RANBP17: variants seen among roughly 807,000 people sequenced by gnomAD.
RANBP17 encodes ran-binding protein 17.
Under a neutral mutation model 141.2 loss-of-function variants are expected in RANBP17, and 158 were observed. The ratio of observed to expected loss-of-function variants is 1.12; its 90% confidence interval spans 0.98 to 1.28. The LOEUF (loss-of-function observed/expected upper bound fraction) is 1.28, where lower values mean the gene tolerates loss of function less well. Among genes scored for constraint, RANBP17 ranks in the 50% most tolerant of loss-of-function variants. The probability of loss-of-function intolerance (pLI) is 0.00; values close to 1 mark genes in which losing one functional copy is unlikely to be tolerated. For synonymous variants in RANBP17, 430 were observed against 450.0 expected, an observed-to-expected ratio of 0.96 and a Z score of 0.56; for missense variants, 1,438 against 1,290.7, an observed-to-expected ratio of 1.11 and a Z score of -1.75.
At chr5:171,004,766 G>C (rs1251860205) in intron 14 of RANBP17, among the ~76,000 whole-genome samples, 1 of 152,110 alleles carries the variant, frequency 6.6e-6, no homozygotes. Flanking sequence ...CCTCCAGCGG[G>C]GGCCCACACA....
chr5:171,249,676 A>G (rs1019216336), intron 24 of RANBP17, among the ~76,000 whole-genome samples: 3 of 152,218 alleles, frequency 2.0e-5, no homozygotes, highest in African/African-American at 7.2e-5. Context: ...AAAGAATCTC[A>G]GAACTTGAAG....
intron 5 of RANBP17, chr5:170,903,451 A>G (rs1278879352): frequency 6.3e-6 from 1 of 157,580 alleles, no homozygotes; most frequent in East Asian, 1.8e-4. Flanking sequence ...GCGCTAGACC[A>G]CTTGGCTCCC....
chr5:171,186,330 A>C (rs1014307991), intron 18 of RANBP17, among the ~76,000 whole-genome samples: 1 of 152,090 alleles, frequency 6.6e-6, no homozygotes, highest in Non-Finnish European at 1.5e-5. Context: ...CAGCTTCTCC[A>C]TCAGCACTTG....
At chr5:171,082,160 A>G (rs1785292110) in intron 14 of RANBP17, among the ~76,000 whole-genome samples, 2 of 152,130 alleles carry the variant, frequency 1.3e-5, no homozygotes, top group South Asian at 4.1e-4. Flanking sequence ...ATACTGTGTT[A>G]CACACCTGAC....
intron 16 of RANBP17, among the ~76,000 whole-genome samples, chr5:171,182,472 A>T (rs1760924148): frequency 1.3e-5 from 2 of 152,332 alleles, no homozygotes; most frequent in East Asian, 3.9e-4. Context: ...TTCAAATCTC[A>T]GCACTGTCAA....
At chr5:171,252,714 C>T (rs1765651491) in intron 24 of RANBP17, 2 of 1,454,040 alleles carry the variant, frequency 1.4e-6, no homozygotes, top group South Asian at 1.1e-5. Flanking sequence ...GAATGTACAG[C>T]CTTGTTGCTG....
chr5:170,915,565 G>A (rs1771883079), intron 8 of RANBP17, among the ~76,000 whole-genome samples: 2 of 151,904 alleles, frequency 1.3e-5, no homozygotes, highest in East Asian at 3.9e-4. Flanking sequence ...TCATGGTAGG[G>A]GCTGTGGCAA....
rs542213195 is a variant in RANBP17 at position 170,957,107 on chromosome 5, A to ACACACACACG, written c.1574+3406_1574+3407insACACACACGC. ...CACACACACACACACACACACACAC[A>ACACACACACG]CGCGCACACTGCCACTATCTCGTGA... On this transcript the variant is annotated intron_variant, in intron 13 of 27. Coordinates refer to ENST00000523189, the MANE Select transcript of RANBP17 (RefSeq NM_022897.5). 3.1e-3 allele frequency among the ~76,000 whole-genome samples: 469 copies of ACACACACACG among 150,508 alleles called. 7 individuals carry two copies. In the South Asian group the frequency reaches 0.034, roughly 11 times the overall value.
intron 1 of RANBP17, among the ~76,000 whole-genome samples, chr5:170,869,652 G>A (rs1202924616): frequency 1.3e-5 from 2 of 152,078 alleles, no homozygotes; most frequent in Non-Finnish European, 2.9e-5. Flanking sequence ...GGTCTTCCCT[G>A]CTATGTCTCT....
At chr5:170,897,060 C>T (rs1770192124) in intron 5 of RANBP17, 1 of 873,126 alleles carries the variant, frequency 1.1e-6, no homozygotes, top group African/African-American at 1.7e-5. Context: ...TAAGCAGCTT[C>T]CTTAGAAATG....
chr5:170,897,505 C>T (rs1015599920), intron 5 of RANBP17, among the ~76,000 whole-genome samples: 7 of 152,046 alleles, frequency 4.6e-5, no homozygotes, highest in African/African-American at 1.7e-4. Flanking sequence ...TTGCTGCACC[C>T]ATCAACCAGC....
intron 24 of RANBP17, among the ~76,000 whole-genome samples, chr5:171,246,179 C>G (rs1221834358): frequency 6.6e-6 from 1 of 152,200 alleles, no homozygotes; most frequent in Admixed American, 6.5e-5. Flanking sequence ...CCGCACCCGG[C>G]CTTTTCTCAT....
chr5:171,001,832 C>T lies in RANBP17; in HGVS notation c.1710+33455C>T, dbSNP rs143733472. 8.5e-5 allele frequency among the ~76,000 whole-genome samples: 13 copies of T among 152,168 alleles called. No homozygotes were observed. In the East Asian group the frequency reaches 1.7e-3, roughly 20 times the overall value. ...GTGGGAAGGCAAAACCGAGGAATTACGTCTGACAAAAGGGAAGAAATGACC... is the reference window on the plus strand; with the variant it reads ...GTGGGAAGGCAAAACCGAGGAATTATGTCTGACAAAAGGGAAGAAATGACC... On this transcript the variant is annotated intron_variant, in intron 14 of 27. Transcript: ENST00000523189.
At chr5:171,015,489 C>T (rs554870775) in intron 14 of RANBP17, among the ~76,000 whole-genome samples, 61 of 152,114 alleles carry the variant, frequency 4.0e-4, no homozygotes, top group Admixed American at 9.2e-4. Flanking sequence ...CTGGTTTGGG[C>T]TGTTTTTATA....
chr5:170,989,584 G>T (rs1253135021), intron 14 of RANBP17, among the ~76,000 whole-genome samples: 9 of 151,762 alleles, frequency 5.9e-5, no homozygotes, highest in Non-Finnish European at 1.0e-4. Flanking sequence ...GGTAGGATAA[G>T]TGTAAGAAGA....
At chr5:171,253,442 C>A (rs1765701922) in intron 24 of RANBP17, among the ~76,000 whole-genome samples, 1 of 152,108 alleles carries the variant, frequency 6.6e-6, no homozygotes, top group African/African-American at 2.4e-5. Context: ...CAAGAGTAAA[C>A]CAGAAACACT....
At chr5:170,990,647 A>G (rs541048462) in intron 14 of RANBP17, among the ~76,000 whole-genome samples, 2 of 152,140 alleles carry the variant, frequency 1.3e-5, no homozygotes, top group South Asian at 4.1e-4. Context: ...GGTGGTGGAA[A>G]TTAGCAGGCA....
At chr5:171,193,788 G>A (rs894432454) in intron 18 of RANBP17, among the ~76,000 whole-genome samples, 2 of 152,148 alleles carry the variant, frequency 1.3e-5, no homozygotes, top group African/African-American at 4.8e-5. Flanking sequence ...AAGGACCCTT[G>A]TGATTACATT....
At chr5:170,894,049 C>A (rs1192626017) in intron 4 of RANBP17, among the ~76,000 whole-genome samples, 1 of 152,070 alleles carries the variant, frequency 6.6e-6, no homozygotes, top group African/African-American at 2.4e-5. Flanking sequence ...GTTGTTAAAA[C>A]CTGGTTAACA....
Sources: allele counts gnomAD v4.1 joint callset (sites outside exome capture counted in the v4.1 genomes callset), GRCh38; gene constraint gnomAD v4.1.1; transcripts MANE v1.5; gene names NCBI Gene and HGNC (gene_info 2026-07-23, HGNC 2026-07-21).